SYCP2: variants seen among roughly 807,000 people sequenced by gnomAD.
SYCP2 encodes synaptonemal complex protein 2.
In SYCP2, 55 loss-of-function variants were observed where a neutral mutation model predicts 211.3. That is an observed-to-expected ratio of 0.26 (90% CI 0.21 to 0.33). The LOEUF (loss-of-function observed/expected upper bound fraction) is 0.33. Among genes scored for constraint, SYCP2 ranks in the 10% least tolerant of loss-of-function variants. The pLI is 1.00. For synonymous variants in SYCP2, 570 were observed against 555.2 expected (o/e 1.03, Z -0.37); for missense variants, 1,731 against 1,752.0 (o/e 0.99, Z 0.21).
intron 35 of SYCP2, among the ~76,000 whole-genome samples, chr20:59,873,566 C>T (rs2059494511): frequency 6.6e-6 from 1 of 152,054 alleles, no homozygotes; most frequent in African/African-American, 2.4e-5. Flanking sequence ...CCACAGTTGA[C>T]TGTAGGTAAC....
intron 34 of SYCP2, among the ~76,000 whole-genome samples, chr20:59,874,389 T>C (rs2059513792): frequency 6.6e-6 from 1 of 152,114 alleles, no homozygotes; most frequent in African/African-American, 2.4e-5. Flanking sequence ...CTGATTGTGT[T>C]ATATATACAC....
chr20:59,879,822 A>ATAT (rs2059634197), intron 31 of SYCP2, among the ~76,000 whole-genome samples: 2 of 51,118 alleles, frequency 3.9e-5, no homozygotes, highest in Non-Finnish European at 6.4e-5. Flanking sequence ...AATATAAATA[A>ATAT]ATATATATAT....
At chr20:59,901,274 C>G (rs1568953870) in intron 16 of SYCP2, among the ~76,000 whole-genome samples, 1 of 152,078 alleles carries the variant, frequency 6.6e-6, no homozygotes, top group African/African-American at 2.4e-5. Context: ...CCAAACCTGA[C>G]TCTTTATGAG....
intron 7 of SYCP2, among the ~76,000 whole-genome samples, chr20:59,917,862 T>C (rs975289812): frequency 3.9e-5 from 6 of 152,200 alleles, no homozygotes; most frequent in African/African-American, 1.4e-4. Context: ...AGATCAAAGG[T>C]TGGCAAACTA....
At chr20:59,886,621 CTA>C (rs1233945145) in intron 25 of SYCP2, 84 bp downstream of exon 25, 7 of 975,412 alleles carry the variant, frequency 7.2e-6, no homozygotes, top group African/African-American at 5.1e-5. Flanking sequence ...TTATCTGAAC[CTA>C]TGTTTAAAAT....
Position 59,881,017 on chromosome 20 carries a change from A to G in SYCP2, c.2721T>C (p.Gly907=), listed in dbSNP as rs1312390214. ...ATTTAAGTTCATCATGATTCCTTGG[A>G]CCTACCCTTAAACAAAAATATGTAT... ...ACADRSIRLV[G]PRNHDELKSS... The change falls in exon 30 of 45, where the codon GGT becomes GGC. Residue 907 remains glycine, a synonymous_variant. Transcript: ENST00000357552. 1 of 1,497,928 alleles carries G rather than the reference A, an allele frequency of 6.7e-7. No homozygotes were observed. 92.8% of individuals were successfully genotyped at this position (1,497,928 alleles called of 1,614,324 possible).
chr20:59,894,584 C>T (rs1031149418), intron 20 of SYCP2, among the ~76,000 whole-genome samples: 1 of 151,902 alleles, frequency 6.6e-6, no homozygotes, highest in Non-Finnish European at 1.5e-5. Flanking sequence ...TATTTATGAA[C>T]ATATTTATGC....
rs755854305 is a variant in SYCP2, at chr20:59,883,987, T to A, written c.2530-1822A>T. 3.1e-4 allele frequency among the ~76,000 whole-genome samples: 47 copies of A among 152,090 alleles called. 1 individual carries two copies. The highest frequency in any genetic ancestry group is 3.9e-4 in the Admixed American group (6 of 15,254). On this transcript the variant is annotated intron_variant, in intron 26 of 44. Coordinates refer to ENST00000357552, the MANE Select transcript of SYCP2 (RefSeq NM_014258.4). ...CACTATGTATATCATGTTATACACCTTAAATACATACAATAAAAAAACACT... is the reference window on the plus strand; with the variant it reads ...CACTATGTATATCATGTTATACACCATAAATACATACAATAAAAAAACACT...
Position 59,901,746 on chromosome 20 carries a change from T to C in SYCP2, c.1098A>G (p.Glu366=). 1 of 1,605,352 alleles carries C rather than the reference T, an allele frequency of 6.2e-7. No individual in the cohort carries two copies. Among genetic ancestry groups the C allele is most frequent in the Non-Finnish European group, 8.5e-7 (1 of 1,175,626 alleles). The stretch of plus-strand genomic sequence containing the variant: ...CAAAATACAAAAGCAATTCTTTCCC[T>C]TCTCTTTTGCTAATTTTTACTGTAT... ...LKNTVKISKR[E]GKELLLYFDA... is the part of the protein sequence containing the mutation. The change falls in exon 16 of 45, where the codon GAA becomes GAG. Residue 366 remains glutamate, a synonymous_variant. Transcript: ENST00000357552.
chr20:59,924,762 A>T (rs73917272), intron 2 of SYCP2, among the ~76,000 whole-genome samples: 3,364 of 152,108 alleles, frequency 0.022, 132 homozygotes, highest in African/African-American at 0.076. Context: ...AAACAAAAGA[A>T]AGCTAATAAA....
chr20:59,907,326 G>GA (rs1427813851), intron 15 of SYCP2, 38 bp downstream of exon 15: 13 of 1,337,594 alleles, frequency 9.7e-6, no homozygotes, highest in Non-Finnish European at 7.4e-6. Context: ...CATATGGTAA[G>GA]AATTAAGAAA....
chr20:59,874,952 T>C (rs1263084449), intron 34 of SYCP2, among the ~76,000 whole-genome samples: 2 of 151,912 alleles, frequency 1.3e-5, no homozygotes, highest in African/African-American at 4.8e-5. Context: ...TGTTATTAAA[T>C]ATATATTGAG....
chr20:59,890,569 GGTAGGTAGGTAA>G (rs2059886468), intron 24 of SYCP2, among the ~76,000 whole-genome samples: 1 of 150,716 alleles, frequency 6.6e-6, no homozygotes, highest in East Asian at 1.9e-4. Flanking sequence ...TAGGTAGATA[GGTAGGTAGGTAA>G]GTAGGTAGGT....
intron 15 of SYCP2, among the ~76,000 whole-genome samples, chr20:59,905,667 T>A (rs935558782): frequency 6.6e-6 from 1 of 152,196 alleles, no homozygotes; most frequent in Non-Finnish European, 1.5e-5. Context: ...TTAACTTAAT[T>A]GCCATGATGG....
At chr20:59,877,119 T>G (rs1343482928) in intron 33 of SYCP2, among the ~76,000 whole-genome samples, 1 of 152,154 alleles carries the variant, frequency 6.6e-6, no homozygotes, top group Non-Finnish European at 1.5e-5. Context: ...TTTTAGAAGA[T>G]TAAGTACTTC....
Position 59,866,485 on chromosome 20 carries a change from T to TA in SYCP2, c.4220+9dup. 1 of 1,602,660 alleles carries TA rather than the reference T, an allele frequency of 6.2e-7. No homozygotes were observed. Among genetic ancestry groups the TA allele is most frequent in the South Asian group, 1.1e-5 (1 of 88,830 alleles). On this transcript the variant is annotated intron_variant, in intron 40 of 44. Coordinates refer to ENST00000357552, the MANE Select transcript of SYCP2 (RefSeq NM_014258.4). Reference sequence around the variant, plus strand: ...TTCAAAAGTTTTCAGAACAGATTTTTATTACAGACCTAGAGTCCTGACTTT... The same window carrying TA: ...TTCAAAAGTTTTCAGAACAGATTTTTAATTACAGACCTAGAGTCCTGACTTT...
At chr20:59,866,197 C>T in intron 41 of SYCP2, 96 bp downstream of exon 41, 1 of 694,706 alleles carries the variant, frequency 1.4e-6, no homozygotes, top group Middle Eastern at 4.3e-4. Context: ...GAACAAAAAG[C>T]TTTAGGATGT....
At chr20:59,900,686 C>T in intron 17 of SYCP2, 58 bp downstream of exon 17, 1 of 1,335,034 alleles carries the variant, frequency 7.5e-7, no homozygotes, top group Non-Finnish European at 1.1e-6. Flanking sequence ...TATTACTGTT[C>T]CATTAGTTAT....
Position 59,875,330 on chromosome 20 carries a change from C to G in SYCP2, c.3290G>C (p.Cys1097Ser). The change falls in exon 34 of 45, where the codon TGC becomes TCC. Residue 1097 changes from cysteine to serine, a missense_variant. Coordinates refer to ENST00000357552, the MANE Select transcript of SYCP2 (RefSeq NM_014258.4). ...TAAAGATCTGGGAGATAAGTCAAGG[C>G]AATTATCTCGTATAGCATCTTTTAG... is the stretch of plus-strand genomic sequence containing the variant. ...SLLKDAIRDN[C>S]LDLSPRSLSG... 1 of 1,611,260 alleles carries G rather than the reference C, an allele frequency of 6.2e-7. No homozygotes were observed. Among genetic ancestry groups the G allele is most frequent in the South Asian group, 1.1e-5 (1 of 90,896 alleles).
Sources: allele counts gnomAD v4.1 joint callset (sites outside exome capture counted in the v4.1 genomes callset), GRCh38; gene constraint gnomAD v4.1.1; transcripts MANE v1.5; gene names NCBI Gene and HGNC (gene_info 2026-07-23, HGNC 2026-07-21).